Variants in PSPC1 observed in about 807,000 individuals in gnomAD.
PSPC1 encodes the protein paraspeckle protein 1.
A neutral mutation model predicts 51.6 loss-of-function variants in PSPC1; 14 were observed. That is an observed-to-expected ratio of 0.27 (90% CI 0.18 to 0.42). The LOEUF is 0.42. Ranked by LOEUF, PSPC1 falls within the 10% of genes least tolerant of loss-of-function variation. The probability of loss-of-function intolerance (pLI) is 1.00; values close to 1 mark genes in which losing one functional copy is unlikely to be tolerated. For missense variants in PSPC1, 406 were observed against 701.1 expected (o/e 0.58, Z 4.75); for synonymous variants, 193 against 231.9 (o/e 0.83, Z 1.53).
intron 6 of PSPC1, among the ~76,000 whole-genome samples, chr13:19,687,126 G>A (rs942990426): frequency 3.9e-5 from 6 of 152,176 alleles, no homozygotes; most frequent in African/African-American, 1.4e-4. Flanking sequence ...ACTTGAATCC[G>A]GGAGGCGGAG....
chr13:19,752,957 C>A (rs1009785067), intron 3 of PSPC1, among the ~76,000 whole-genome samples: 4 of 151,950 alleles, frequency 2.6e-5, no homozygotes, highest in African/African-American at 9.7e-5. Context: ...GGGTCTTGCT[C>A]AGTTTCACAG....
intron 7 of PSPC1, chr13:19,675,502 T>G (rs1876539453): frequency 6.6e-6 from 1 of 152,074 alleles, no homozygotes; most frequent in Admixed American, 6.5e-5. Context: ...AATGTGCCCC[T>G]GTAGCATGTT....
intron 8 of PSPC1, 99 bp downstream of exon 8, chr13:19,705,563 C>T: frequency 3.7e-6 from 3 of 816,856 alleles, no homozygotes. Context: ...CATTGGCTGC[C>T]AAAACAAATG....
At chr13:19,724,289 C>T (rs1339926802) in intron 6 of PSPC1, among the ~76,000 whole-genome samples, 1 of 152,166 alleles carries the variant, frequency 6.6e-6, no homozygotes, top group Non-Finnish European at 1.5e-5. Context: ...ACAACAGGAT[C>T]ACTCTTCTCT....
chr13:19,732,727 G>T (rs567013397), intron 5 of PSPC1, among the ~76,000 whole-genome samples: 14 of 152,184 alleles, frequency 9.2e-5, no homozygotes, highest in Admixed American at 3.9e-4. Context: ...AGGAGTTCAA[G>T]ACTAGCCTGG....
Position 19,709,668 on chromosome 13 carries a change from A to G in PSPC1, c.1159-69T>C, listed in dbSNP as rs1401020124. On this transcript the variant is annotated intron_variant, in intron 6 of 8. Transcript: ENST00000338910. ...GACTTTACATTTCCCATCTAAAATCAAAAAGAAAAGAGTGAATTGGGACAT... is the reference window on the plus strand; with the variant it reads ...GACTTTACATTTCCCATCTAAAATCGAAAAGAAAAGAGTGAATTGGGACAT... The G allele has an allele frequency of 9.5e-6, 12 of 1,261,810 alleles. No individual in the cohort carries two copies. The Admixed American group carries it at 2.6e-4, about 27-fold the overall frequency. 78.2% of individuals were successfully genotyped at this position (1,261,810 alleles called of 1,614,324 possible).
chr13:19,759,421 G>A lies in PSPC1; in HGVS notation c.675-3C>T, dbSNP rs759147722. On this transcript the variant is annotated splice_polypyrimidine_tract_variant and splice_region_variant and intron_variant, in intron 2 of 8. Coordinates refer to ENST00000338910, the MANE Select transcript of PSPC1 (RefSeq NM_001354909.2). ...CCACAATGACTGGACGAGGGGTCCT[G>A]GATAGGTATAAAAGCATTCATAAAA... The A allele has an allele frequency of 6.2e-7, 1 of 1,610,568 alleles. No individual in the cohort carries two copies.
At chr13:19,675,422 AG>A (rs1876532098) in intron 7 of PSPC1, 1 of 152,244 alleles carries the variant, frequency 6.6e-6, no homozygotes, top group Non-Finnish European at 1.5e-5. Flanking sequence ...ACAAATAAAA[AG>A]CCAAAACCCT....
At chr13:19,709,419 T>G in intron 7 of PSPC1, 123 bp downstream of exon 7, 1 of 665,078 alleles carries the variant, frequency 1.5e-6, no homozygotes, top group Non-Finnish European at 2.6e-6. Context: ...ATGTAAGAGA[T>G]TTCACCTTTA....
chr13:19,728,480 A>ACACACACT (rs1883641007), intron 6 of PSPC1, among the ~76,000 whole-genome samples: 2 of 114,412 alleles, frequency 1.7e-5, no homozygotes, highest in African/African-American at 5.5e-5. Flanking sequence ...ACACACACAC[A>ACACACACT]CACACAGCAT....
intron 5 of PSPC1, among the ~76,000 whole-genome samples, chr13:19,734,560 G>C (rs1489921047): frequency 1.1e-4 from 16 of 152,212 alleles, no homozygotes; most frequent in Admixed American, 1.0e-3. Context: ...CCAGCACTTT[G>C]GGAGGCCAAG....
intron 7 of PSPC1, among the ~76,000 whole-genome samples, chr13:19,677,147 GGC>G (rs1565950882): frequency 6.6e-6 from 1 of 151,040 alleles, no homozygotes; most frequent in East Asian, 2.0e-4. Context: ...GCAGGAGAAT[GGC>G]ATGAACCCGG....
At chr13:19,694,081 C>A (rs1878894628) in intron 6 of PSPC1, among the ~76,000 whole-genome samples, 1 of 137,136 alleles carries the variant, frequency 7.3e-6, no homozygotes, top group South Asian at 2.3e-4. Flanking sequence ...CGAGATCGCA[C>A]CACTGCACTC....
At chr13:19,752,387 G>C (rs1249165046) in intron 3 of PSPC1, among the ~76,000 whole-genome samples, 1 of 151,966 alleles carries the variant, frequency 6.6e-6, no homozygotes, top group Non-Finnish European at 1.5e-5. Context: ...AAAGGGCTAT[G>C]AATATATTTG....
chr13:19,690,098 A>G (rs1208903547), intron 6 of PSPC1, among the ~76,000 whole-genome samples: 2 of 152,236 alleles, frequency 1.3e-5, no homozygotes, highest in African/African-American at 2.4e-5. Flanking sequence ...TCCTCCCAGT[A>G]TTTGTAAAAG....
At chr13:19,695,991 G>T (rs1047051978) in intron 6 of PSPC1, among the ~76,000 whole-genome samples, 2 of 152,094 alleles carry the variant, frequency 1.3e-5, no homozygotes, top group Admixed American at 1.3e-4. Flanking sequence ...GGTAGAAGCA[G>T]CCTAATGTCG....
intron 2 of PSPC1, among the ~76,000 whole-genome samples, chr13:19,764,204 A>C (rs1289314186): frequency 6.6e-6 from 1 of 152,130 alleles, no homozygotes; most frequent in East Asian, 1.9e-4. Flanking sequence ...TATGGAGAGG[A>C]GCTCTGATCA....
At chr13:19,777,429 CAAAAAAAAAAAAAAA>C in intron 1 of PSPC1, among the ~76,000 whole-genome samples, 1 of 47,904 alleles carries the variant, frequency 2.1e-5, no homozygotes, top group East Asian at 5.6e-4. Context: ...GACCTCAGCT[CAAAAAAAAAAAAAAA>C]AAAAAAAGAT....
At chr13:19,674,978 G>A (rs990266088) in exon 8 of PSPC1, 1 of 152,236 alleles carries the variant, frequency 6.6e-6, no homozygotes, top group Non-Finnish European at 1.5e-5. Context: ...CTAGGCAAGT[G>A]GCAAGACTGT....
Sources: gnomAD v4.1 joint callset for allele counts (sites outside exome capture counted in the v4.1 genomes callset) on GRCh38, gnomAD v4.1.1 for gene constraint, MANE v1.5 for transcripts, NCBI Gene and HGNC (gene_info 2026-07-23, HGNC 2026-07-21) for gene names.